SLC24A2: variants seen among roughly 807,000 people sequenced by gnomAD.
The protein encoded by SLC24A2 is solute carrier family 24 member 2.
A neutral mutation model predicts 62.0 loss-of-function variants in SLC24A2; 36 were observed. The ratio of observed to expected loss-of-function variants is 0.58; its 90% CI spans 0.44 to 0.77. SLC24A2 has a LOEUF of 0.77. Among genes scored for constraint, SLC24A2 ranks in the 30% least tolerant of loss-of-function variants. SLC24A2 has a pLI of 0.00. For missense variants in SLC24A2, 846 were observed against 817.9 expected, an observed-to-expected ratio of 1.03 and a Z score of -0.42; for synonymous variants, 358 against 294.0, an observed-to-expected ratio of 1.22 and a Z score of -2.23.
intron 8 of SLC24A2, among the ~76,000 whole-genome samples, chr9:19,546,805 C>G (rs1459459894): frequency 6.6e-6 from 1 of 151,792 alleles, no homozygotes; most frequent in Non-Finnish European, 1.5e-5. Context: ...CAGTTTTGTG[C>G]TTGAAACCCA....
chr9:20,019,542 T>A, the SLC24A2 span, among the ~76,000 whole-genome samples: 3 of 152,134 alleles, frequency 2.0e-5, no homozygotes, highest in Admixed American at 2.0e-4. Context: ...GGACTATATA[T>A]CTGTTTTGGT....
At chr9:19,692,945 C>T (rs12554882) in intron 2 of SLC24A2, among the ~76,000 whole-genome samples, 28,426 of 152,064 alleles carry the variant, frequency 0.19, 2,858 homozygotes, top group Middle Eastern at 0.24. Flanking sequence ...AGCCATTTGA[C>T]CTTAGGCAAG....
chr9:20,289,501 C>T, the SLC24A2 span, among the ~76,000 whole-genome samples: 17 of 152,094 alleles, frequency 1.1e-4, no homozygotes, highest in African/African-American at 3.6e-4. Flanking sequence ...TGCCTGCCTT[C>T]GGATAAGTCA....
intron 2 of SLC24A2, among the ~76,000 whole-genome samples, chr9:19,730,240 G>A: frequency 6.6e-6 from 1 of 152,080 alleles, no homozygotes. Flanking sequence ...ATTTGAATGT[G>A]AAAATTTATC....
At chr9:20,212,548 G>T in the SLC24A2 span, among the ~76,000 whole-genome samples, 1 of 151,678 alleles carries the variant, frequency 6.6e-6, no homozygotes, top group Non-Finnish European at 1.5e-5. Context: ...CTACTCGGGA[G>T]GCATATGTCC....
chr9:19,787,092 T>C, intron 1 of SLC24A2, 73 bp from the exon 2 acceptor site: 1 of 826,792 alleles, frequency 1.2e-6, no homozygotes, highest in Non-Finnish European at 1.5e-6. Context: ...TTTGCAGATA[T>C]GATAAAGTCC....
the SLC24A2 span, among the ~76,000 whole-genome samples, chr9:19,820,030 TATATATATATAC>T: frequency 3.8e-4 from 10 of 26,568 alleles, no homozygotes; most frequent in East Asian, 5.5e-3. Flanking sequence ...TATATACACA[TATATATATATAC>T]ATATATATAT....
the SLC24A2 span, among the ~76,000 whole-genome samples, chr9:20,297,197 T>C: frequency 7.2e-5 from 11 of 152,128 alleles, no homozygotes; most frequent in South Asian, 2.1e-4. Flanking sequence ...TCATGACCAA[T>C]GTGCCAGTCA....
chr9:20,162,633 G>C, the SLC24A2 span, among the ~76,000 whole-genome samples: 2 of 152,012 alleles, frequency 1.3e-5, no homozygotes, highest in South Asian at 2.1e-4. Flanking sequence ...CATTTGATGA[G>C]GCCAGCATCA....
the SLC24A2 span, among the ~76,000 whole-genome samples, chr9:20,177,894 G>A: frequency 1.3e-4 from 19 of 151,976 alleles, no homozygotes; most frequent in South Asian, 6.2e-4. Flanking sequence ...GAGAAATTAC[G>A]GAGATTGCCG....
intron 7 of SLC24A2, among the ~76,000 whole-genome samples, chr9:19,572,828 A>G (rs1292612363): frequency 6.6e-6 from 1 of 152,230 alleles, no homozygotes; most frequent in Non-Finnish European, 1.5e-5. Context: ...GTTGGGCCAG[A>G]GAGTGTTAAT....
the SLC24A2 span, among the ~76,000 whole-genome samples, chr9:20,192,568 C>G: frequency 1.3e-5 from 2 of 152,052 alleles, no homozygotes. Context: ...AGATAGAGCC[C>G]TGGAATGTAT....
rs540232359 is a variant in SLC24A2, at chr9:19,574,788, C to T, written c.1229-1319G>A. Among the ~76,000 whole-genome samples, 27 of 151,982 alleles carry T rather than the reference C, an allele frequency of 1.8e-4. No individual in the cohort carries two copies. The South Asian group carries it at 4.6e-3, about 26-fold the overall frequency. On this transcript the variant is annotated intron_variant, in intron 6 of 10. Coordinates refer to ENST00000341998, the MANE Select transcript of SLC24A2 (RefSeq NM_020344.4). ...CACTGAGGTCTGCTGAACTTCATCG[C>T]GAGGGAAATTAAAAGGTTCCTATTG... is the stretch of plus-strand genomic sequence containing the variant.
At chr9:19,963,969 C>A in the SLC24A2 span, among the ~76,000 whole-genome samples, 1 of 152,072 alleles carries the variant, frequency 6.6e-6, no homozygotes, top group Middle Eastern at 3.4e-3. Flanking sequence ...GGAATCCACC[C>A]AAATGTCCAA....
intron 8 of SLC24A2, among the ~76,000 whole-genome samples, chr9:19,545,624 T>C (rs1586931261): frequency 6.6e-6 from 1 of 152,104 alleles, no homozygotes; most frequent in East Asian, 1.9e-4. Flanking sequence ...GATGTGCTAT[T>C]CCTATTTTTT....
intron 7 of SLC24A2, among the ~76,000 whole-genome samples, chr9:19,566,564 A>G (rs1389975033): frequency 2.6e-5 from 4 of 152,088 alleles, no homozygotes; most frequent in Admixed American, 6.6e-5. Context: ...CGATTCCTCA[A>G]GGATCTAGAA....
chr9:20,183,135 G>C, the SLC24A2 span, among the ~76,000 whole-genome samples: 1 of 152,104 alleles, frequency 6.6e-6, no homozygotes, highest in Non-Finnish European at 1.5e-5. Flanking sequence ...ACCTGGACTT[G>C]GGAAAAGGAA....
the SLC24A2 span, among the ~76,000 whole-genome samples, chr9:20,188,700 G>A: frequency 6.6e-6 from 1 of 152,102 alleles, no homozygotes; most frequent in Non-Finnish European, 1.5e-5. Flanking sequence ...GCAGGAGCTA[G>A]GATGACGGGA....
chr9:20,288,773 G>T, the SLC24A2 span, among the ~76,000 whole-genome samples: 6 of 150,926 alleles, frequency 4.0e-5, no homozygotes, highest in East Asian at 1.2e-3. Context: ...AGAATGCAAT[G>T]GAAGAGACAC....
Sources: allele counts gnomAD v4.1 joint callset (sites outside exome capture counted in the v4.1 genomes callset), GRCh38; gene constraint gnomAD v4.1.1; transcripts MANE v1.5; gene names NCBI Gene and HGNC (gene_info 2026-07-23, HGNC 2026-07-21).